The following ADGRD1 variants were observed in gnomAD, a reference collection of about 807,000 sequenced individuals.
ADGRD1 encodes G-protein coupled receptor 133.
In ADGRD1, 77 loss-of-function variants were observed where a neutral mutation model predicts 113.4. The observed-to-expected ratio is 0.68, with a 90% confidence interval of 0.57 to 0.82. The LOEUF is 0.82. Ranked by LOEUF, ADGRD1 falls within the 40% of genes least tolerant of loss-of-function variation. ADGRD1 has a pLI of 0.00. For synonymous variants in ADGRD1, 474 were observed against 475.0 expected (o/e 1.00, Z 0.03); for missense variants, 1,036 against 1,139.1 (o/e 0.91, Z 1.30).
intron 20 of ADGRD1, among the ~76,000 whole-genome samples, chr12:131,131,262 G>A (rs543185227): frequency 2.6e-5 from 4 of 152,292 alleles, no homozygotes; most frequent in South Asian, 2.1e-4. Flanking sequence ...TCTGTGGCTC[G>A]CACAGCCGCA....
chr12:130,960,040 C>A (rs1040366233), intron 2 of ADGRD1, among the ~76,000 whole-genome samples: 2 of 152,214 alleles, frequency 1.3e-5, no homozygotes, highest in Admixed American at 1.3e-4. Flanking sequence ...TTTCTTGCCT[C>A]TGCTCCCCAG....
At chr12:131,095,654 C>T (rs1003341323) in intron 15 of ADGRD1, among the ~76,000 whole-genome samples, 3 of 152,170 alleles carry the variant, frequency 2.0e-5, no homozygotes, top group East Asian at 1.9e-4. Flanking sequence ...GCCGAGGGAT[C>T]GGGTCGCTTT....
intron 6 of ADGRD1, 91 bp from the exon 7 acceptor site, chr12:130,990,923 G>A: frequency 1.0e-6 from 1 of 955,958 alleles, no homozygotes; most frequent in South Asian, 1.4e-5. Flanking sequence ...CCATGTGTCT[G>A]AAGCCAGTAC....
At chr12:131,071,036 A>C in intron 13 of ADGRD1, 1 of 455,566 alleles carries the variant, frequency 2.2e-6, no homozygotes, top group East Asian at 5.8e-5. Context: ...AGGTGGGGCT[A>C]AGTGAAAGGA....
At chr12:131,004,392 G>GCTGCGGTGCTCCCCCGGGCCAC (rs1876825811) in intron 11 of ADGRD1, 96 bp downstream of exon 11, 2 of 790,800 alleles carry the variant, frequency 2.5e-6, no homozygotes, top group Admixed American at 2.1e-5. Flanking sequence ...GCGCCAGGGA[G>GCTGCGGTGCTCCCCCGGGCCAC]CTGCGGTGCT....
At chr12:131,131,238 C>G (rs2136094857) in intron 20 of ADGRD1, among the ~76,000 whole-genome samples, 1 of 152,310 alleles carries the variant, frequency 6.6e-6, no homozygotes, top group African/African-American at 2.4e-5. Context: ...AGATGATGCC[C>G]CTCTGCCGCA....
chr12:130,956,671 G>T, intron 2 of ADGRD1: 1 of 152,416 alleles, frequency 6.6e-6, no homozygotes. Flanking sequence ...GGTGGCCCCC[G>T]AGGCCCCAGC....
intron 13 of ADGRD1, among the ~76,000 whole-genome samples, chr12:131,068,107 T>C (rs903777267): frequency 6.6e-6 from 1 of 152,228 alleles, no homozygotes; most frequent in Non-Finnish European, 1.5e-5. Context: ...TCAGCCACTT[T>C]CCTGAGGCCA....
At chr12:131,135,421 A>G (rs961672785) in intron 21 of ADGRD1, among the ~76,000 whole-genome samples, 4 of 152,196 alleles carry the variant, frequency 2.6e-5, no homozygotes, top group African/African-American at 9.7e-5. Context: ...AGTGCAGTTC[A>G]GCAAGCCCTT....
intron 13 of ADGRD1, among the ~76,000 whole-genome samples, chr12:131,014,571 A>G (rs1429462137): frequency 6.6e-6 from 1 of 152,168 alleles, no homozygotes; most frequent in Non-Finnish European, 1.5e-5. Context: ...GTTGGGGAAG[A>G]GGCGTCGAGG....
chr12:131,008,673 G>A (rs923511034), intron 12 of ADGRD1, among the ~76,000 whole-genome samples: 6 of 152,146 alleles, frequency 3.9e-5, no homozygotes, highest in African/African-American at 7.2e-5. Flanking sequence ...AGTCTCACTC[G>A]CTGCCTGGCC....
chr12:131,101,819 G>C (rs1321951166), intron 15 of ADGRD1, among the ~76,000 whole-genome samples: 4 of 152,198 alleles, frequency 2.6e-5, no homozygotes. Flanking sequence ...AGATCAGTGT[G>C]AGAGACAAGA....
At chr12:130,955,516 TG>T (rs1869451349) in intron 2 of ADGRD1, among the ~76,000 whole-genome samples, 1 of 152,060 alleles carries the variant, frequency 6.6e-6, no homozygotes, top group Non-Finnish European at 1.5e-5. Context: ...CTGTTAAGAG[TG>T]TGGGCACACG....
rs190983386 is a variant in ADGRD1 at position 131,000,262 on chromosome 12, C to A, written c.967-121C>A. 44 of 737,588 alleles carry A rather than the reference C, an allele frequency of 6.0e-5. No homozygotes were observed. In the African/African-American group the frequency reaches 7.1e-4, roughly 12 times the overall value. The allele number at this position is 737,588 out of a possible 1,614,324, so 45.7% of individuals were successfully genotyped here. Reference sequence around the variant, plus strand: ...TGACTCAGCTATTTTTGTTGACTGCCGTGCATAAAACTGAACTGGTGGTTG... The same window carrying A: ...TGACTCAGCTATTTTTGTTGACTGCAGTGCATAAAACTGAACTGGTGGTTG... On this transcript the variant is annotated intron_variant, in intron 8 of 24. Transcript: ENST00000261654.
At chr12:131,064,649 C>A (rs911507979) in intron 13 of ADGRD1, among the ~76,000 whole-genome samples, 14 of 152,206 alleles carry the variant, frequency 9.2e-5, no homozygotes, top group African/African-American at 3.1e-4. Context: ...GGCACTTGGT[C>A]TCTTTAAGGA....
In ADGRD1 at chr12:131,076,787, T is replaced by C. The variant is rs1208309166; in HGVS notation, c.1474-14T>C. ...AGCAGCGTCATGCATCGTGTTTGCT[T>C]TCTTTCATTTCAGACACGTAAGCAG... On this transcript the variant is annotated splice_polypyrimidine_tract_variant and intron_variant, in intron 13 of 24. Transcript: ENST00000261654. 1 of 1,613,186 alleles carries C rather than the reference T, an allele frequency of 6.2e-7. No homozygotes were observed. The highest frequency in any genetic ancestry group is 1.7e-5 in the Admixed American group (1 of 60,020).
At chr12:131,115,707 G>A (rs1484190311) in intron 18 of ADGRD1, among the ~76,000 whole-genome samples, 1 of 152,316 alleles carries the variant, frequency 6.6e-6, no homozygotes, top group Non-Finnish European at 1.5e-5. Flanking sequence ...CACATTGTCC[G>A]CAGAAGCATG....
At chr12:131,122,238 T>C (rs1950615523) in intron 20 of ADGRD1, among the ~76,000 whole-genome samples, 1 of 152,146 alleles carries the variant, frequency 6.6e-6, no homozygotes, top group Non-Finnish European at 1.5e-5. Flanking sequence ...GGCAGGGATC[T>C]TTGTGCAAGC....
intron 4 of ADGRD1, among the ~76,000 whole-genome samples, chr12:130,979,883 G>A (rs12316194): frequency 0.091 from 13,702 of 150,120 alleles, 1,088 homozygotes; most frequent in African/African-American, 0.22. Flanking sequence ...ACACAAAGAA[G>A]GGCCAGGTGG....
Sources: gnomAD v4.1 joint callset for allele counts (sites outside exome capture counted in the v4.1 genomes callset) on GRCh38, gnomAD v4.1.1 for gene constraint, MANE v1.5 for transcripts, NCBI Gene and HGNC (gene_info 2026-07-23, HGNC 2026-07-21) for gene names.